NEGR1: variants seen among roughly 807,000 people sequenced by gnomAD.
The protein encoded by NEGR1 is IgLON family member 4.
Under a neutral mutation model 40.9 loss-of-function variants are expected in NEGR1, and 10 were observed. The ratio of observed to expected loss-of-function variants is 0.24; its 90% CI spans 0.15 to 0.42. The LOEUF (loss-of-function observed/expected upper bound fraction) is 0.42. Ranked by LOEUF, NEGR1 falls within the 10% of genes least tolerant of loss-of-function variation. The pLI is 1.00. For synonymous variants in NEGR1, 185 were observed against 166.8 expected (o/e 1.11, Z -0.84); for missense variants, 352 against 438.9 (o/e 0.80, Z 1.77).
chr1:72,100,658 G>T (rs1177892486), intron 1 of NEGR1: 1 of 152,158 alleles, frequency 6.6e-6, no homozygotes, highest in African/African-American at 2.4e-5. Flanking sequence ...ATTATTTGAT[G>T]AGTGTCTCAT....
intron 6 of NEGR1, among the ~76,000 whole-genome samples, chr1:71,421,152 T>A (rs1023677967): frequency 6.6e-6 from 1 of 152,058 alleles, no homozygotes; most frequent in Non-Finnish European, 1.5e-5. Flanking sequence ...ATTTGAATAA[T>A]CATTATATTA....
chr1:71,552,677 T>G (rs1648126337), intron 6 of NEGR1, among the ~76,000 whole-genome samples: 1 of 150,848 alleles, frequency 6.6e-6, no homozygotes, highest in South Asian at 2.1e-4. Flanking sequence ...ATATATGACA[T>G]TATATATTCC....
At chr1:71,689,200 T>C (rs1269691922) in intron 4 of NEGR1, among the ~76,000 whole-genome samples, 2 of 152,180 alleles carry the variant, frequency 1.3e-5, no homozygotes, top group Non-Finnish European at 2.9e-5. Flanking sequence ...TCTCAAAGAA[T>C]TCACAAAGCA....
chr1:72,259,816 T>C (rs1303518216), intron 1 of NEGR1, among the ~76,000 whole-genome samples: 1 of 152,112 alleles, frequency 6.6e-6, no homozygotes, highest in Admixed American at 6.5e-5. Context: ...TATTCTTGTA[T>C]ATGGTTCTAT....
At chr1:71,533,287 G>A (rs1396560888) in intron 6 of NEGR1, among the ~76,000 whole-genome samples, 1 of 151,544 alleles carries the variant, frequency 6.6e-6, no homozygotes, top group Non-Finnish European at 1.5e-5. Flanking sequence ...TCCTCTTAGA[G>A]GATGTCAGTT....
chr1:71,615,181 G>A (rs1650407839), intron 4 of NEGR1, among the ~76,000 whole-genome samples: 1 of 151,938 alleles, frequency 6.6e-6, no homozygotes, highest in Non-Finnish European at 1.5e-5. Flanking sequence ...TCATATTACT[G>A]TGCATCTTTT....
rs569468219 is a variant in NEGR1 at position 71,814,875 on chromosome 1, T to G, written c.410-38578A>C. 1.2e-4 allele frequency among the ~76,000 whole-genome samples: 18 copies of G among 152,236 alleles called. 1 individual carries two copies. The South Asian group carries it at 3.7e-3, about 32-fold the overall frequency. Reference sequence around the variant, plus strand: ...AAAAACTAGCTCCTGGCTTCATTGATTTTTGAAAGATTTTTGTGTCACTTT... The same window carrying G: ...AAAAACTAGCTCCTGGCTTCATTGAGTTTTGAAAGATTTTTGTGTCACTTT... On this transcript the variant is annotated intron_variant, in intron 2 of 6. Transcript: ENST00000357731.
intron 6 of NEGR1, among the ~76,000 whole-genome samples, chr1:71,464,879 T>C (rs889131205): frequency 6.6e-6 from 1 of 152,102 alleles, no homozygotes; most frequent in Non-Finnish European, 1.5e-5. Flanking sequence ...CCTTAATTAG[T>C]TGAAGTAACA....
intron 2 of NEGR1, among the ~76,000 whole-genome samples, chr1:71,885,168 C>T (rs1660691046): frequency 6.6e-6 from 1 of 152,198 alleles, no homozygotes; most frequent in Admixed American, 6.5e-5. Flanking sequence ...ACAAACAGCC[C>T]TCAAATGGTC....
At chr1:72,216,848 A>T (rs1231775592) in intron 1 of NEGR1, among the ~76,000 whole-genome samples, 1 of 151,614 alleles carries the variant, frequency 6.6e-6, no homozygotes, top group East Asian at 1.9e-4. Flanking sequence ...AATCTATCAT[A>T]TATATACCTT....
At chr1:72,112,019 A>G (rs1238418018) in intron 1 of NEGR1, among the ~76,000 whole-genome samples, 1 of 150,920 alleles carries the variant, frequency 6.6e-6, no homozygotes, top group African/African-American at 2.4e-5. Flanking sequence ...AGATTAGTTC[A>G]CAGACAAAAA....
chr1:71,722,497 T>TA (rs1379958718), intron 3 of NEGR1, among the ~76,000 whole-genome samples: 1 of 152,150 alleles, frequency 6.6e-6, no homozygotes, highest in Non-Finnish European at 1.5e-5. Flanking sequence ...GTCATGTATA[T>TA]AATTTTCATT....
rs57225665 is a variant in NEGR1 at position 71,474,517 on chromosome 1, TACACACACACACACACAC to T, written c.941-66965_941-66948del. ...GGCAAAACCCCATCTCTACTAACAA[TACACACACACACACACAC>T]ACACACACACACACACACACACACA... is the stretch of plus-strand genomic sequence containing the variant. On this transcript the variant is annotated intron_variant, in intron 6 of 6. Coordinates refer to ENST00000357731, the MANE Select transcript of NEGR1 (RefSeq NM_173808.3). Among the ~76,000 whole-genome samples, 35 of 115,444 alleles carry T rather than the reference TACACACACACACACACAC, an allele frequency of 3.0e-4. 1 individual carries two copies. Among genetic ancestry groups the T allele is most frequent in the African/African-American group, 1.1e-3 (32 of 29,736 alleles). The allele number at this position is 115,444 out of a possible 152,430, so 75.7% of individuals were successfully genotyped here.
chr1:72,040,751 C>T (rs1273879181), intron 1 of NEGR1, among the ~76,000 whole-genome samples: 1 of 151,688 alleles, frequency 6.6e-6, no homozygotes, highest in Non-Finnish European at 1.5e-5. Context: ...TAAGGATGTG[C>T]AGATTATGAT....
chr1:72,123,105 T>C (rs1348383194), intron 1 of NEGR1, among the ~76,000 whole-genome samples: 1 of 151,958 alleles, frequency 6.6e-6, no homozygotes, highest in East Asian at 1.9e-4. Context: ...TGAAGTTTCT[T>C]AAGCGAATAA....
chr1:71,535,513 T>A lies in NEGR1; in HGVS notation c.940+57304A>T, dbSNP rs191388609. Among the ~76,000 whole-genome samples the A allele has an allele frequency of 1.2e-4, 18 of 151,846 alleles. No homozygotes were observed. The East Asian group carries it at 3.3e-3, about 28-fold the overall frequency. ...AAATTATGTTGCGTGCAGGATCCAC[T>A]CTATAATTTCAGCTTCACAGTCAAT... On this transcript the variant is annotated intron_variant, in intron 6 of 6. Coordinates refer to ENST00000357731, the MANE Select transcript of NEGR1 (RefSeq NM_173808.3).
At chr1:71,810,955 T>C (rs1222029161) in intron 2 of NEGR1, among the ~76,000 whole-genome samples, 1 of 152,198 alleles carries the variant, frequency 6.6e-6, no homozygotes, top group Admixed American at 6.6e-5. Context: ...GATCTGTTAA[T>C]TCTTGTTTAT....
intron 2 of NEGR1, among the ~76,000 whole-genome samples, chr1:71,874,161 T>A (rs190130322): frequency 3.7e-4 from 56 of 152,306 alleles, no homozygotes; most frequent in Admixed American, 1.2e-3. Context: ...GATTTACACC[T>A]ATTTAGAATT....
chr1:71,615,156 G>T (rs562678449), intron 4 of NEGR1, among the ~76,000 whole-genome samples: 3 of 152,006 alleles, frequency 2.0e-5, no homozygotes, highest in South Asian at 4.2e-4. Flanking sequence ...AGACATAAAA[G>T]TTCTTATTAC....
Sources: allele counts gnomAD v4.1 joint callset (sites outside exome capture counted in the v4.1 genomes callset), GRCh38; gene constraint gnomAD v4.1.1; transcripts MANE v1.5; gene names NCBI Gene and HGNC (gene_info 2026-07-23, HGNC 2026-07-21).